OSBPL3: variants seen among roughly 807,000 people sequenced by gnomAD.
OSBPL3 encodes the protein oxysterol-binding protein-related protein 3.
A neutral mutation model predicts 120.1 loss-of-function variants in OSBPL3; 65 were observed. That is an observed-to-expected ratio of 0.54 (90% CI 0.44 to 0.67). OSBPL3 has a LOEUF of 0.67. OSBPL3 is among the 30% of genes least tolerant of loss of function. OSBPL3 has a pLI of 0.00. For synonymous variants in OSBPL3, 416 were observed against 402.6 expected (o/e 1.03, Z -0.40); for missense variants, 1,004 against 1,082.1 (o/e 0.93, Z 1.01).
chr7:24,812,627 T>A (rs1485321733), intron 19 of OSBPL3, among the ~76,000 whole-genome samples: 1 of 152,144 alleles, frequency 6.6e-6, no homozygotes, highest in East Asian at 1.9e-4. Flanking sequence ...CAAAGGCATT[T>A]CTCCATAAAT....
chr7:24,940,987 T>G lies in OSBPL3; in HGVS notation c.-150+38899A>C, dbSNP rs900835442. Among the ~76,000 whole-genome samples the G allele has an allele frequency of 2.6e-5, 4 of 151,982 alleles. No homozygotes were observed. The highest frequency in any genetic ancestry group is 9.7e-5 in the African/African-American group (4 of 41,362). Reference sequence around the variant, plus strand: ...GGCTCCTGCCACTGCGTCCAGCTAATTTTTTGTATTTTTAGTAGAGACGGG... The same window carrying G: ...GGCTCCTGCCACTGCGTCCAGCTAAGTTTTTGTATTTTTAGTAGAGACGGG... On this transcript the variant is annotated intron_variant, in intron 1 of 22. Coordinates refer to ENST00000313367, the MANE Select transcript of OSBPL3 (RefSeq NM_015550.4). The surrounding 1 kb of genome is among the most constrained non-coding windows in gnomAD (Gnocchi z 4.4).
rs1200549512 is a variant in OSBPL3 at position 24,892,581 on chromosome 7, T to C, written c.-109A>G. 1.4e-6 allele frequency: 2 copies of C among 1,444,866 alleles called. No individual in the cohort carries two copies. Among genetic ancestry groups the C allele is most frequent in the Non-Finnish European group, 1.8e-6 (2 of 1,087,962 alleles). 89.5% of individuals were successfully genotyped at this position (1,444,866 alleles called of 1,614,324 possible). A position where few individuals can be genotyped will look rare whatever the true frequency, so the allele number is the denominator to read the frequency against. ...GGTGGTTTAGCTCTTATCCAAAGTA[T>C]TTAAAAAACATTTTGGGTGGCCCAA... On this transcript the variant is annotated 5_prime_UTR_variant, in exon 2 of 23. Transcript: ENST00000313367.
intron 19 of OSBPL3, among the ~76,000 whole-genome samples, chr7:24,812,483 C>T (rs182285083): frequency 1.3e-5 from 2 of 152,062 alleles, no homozygotes. Flanking sequence ...CAGGCCAGTC[C>T]AGCCCAGAGG....
intron 1 of OSBPL3, among the ~76,000 whole-genome samples, chr7:24,960,915 C>A (rs968827100): frequency 1.3e-5 from 2 of 152,182 alleles, no homozygotes; most frequent in Non-Finnish European, 2.9e-5. Flanking sequence ...TCGATCTTAC[C>A]TTGCCCACCT....
chr7:24,973,400 G>C (rs1166622775), intron 1 of OSBPL3, among the ~76,000 whole-genome samples: 1 of 152,114 alleles, frequency 6.6e-6, no homozygotes, highest in East Asian at 1.9e-4. Flanking sequence ...TCATACTCAA[G>C]GGGTCTTGGA....
rs1486891962 is a variant in OSBPL3 at position 24,851,535 on chromosome 7, G to A, written c.1158+969C>T. 6.6e-6 allele frequency among the ~76,000 whole-genome samples: 1 copy of A among 152,114 alleles called. No homozygotes were observed. Among genetic ancestry groups the A allele is most frequent in the African/African-American group, 2.4e-5 (1 of 41,414 alleles). ...TCTAGTTCTCTCAATGCCTGTGTTG[G>A]CTTCTGGTTACAAGATCCTAAAATT... On this transcript the variant is annotated intron_variant, in intron 11 of 22. Transcript: ENST00000313367. This position sits in a 1 kb window ranked among gnomAD's most constrained non-coding sequence, Gnocchi z 4.1.
In OSBPL3 at chr7:24,938,827, GTGTGTGT is replaced by G. The variant is rs1812742583; in HGVS notation, c.-150+41052_-150+41058del. ...TGTGTGTGTGTGTGTGTGTGTGTGTGTGTGTGTTTTGAGAGCAAAACTAATGTGGCCA... is the reference window on the plus strand; with the variant it reads ...TGTGTGTGTGTGTGTGTGTGTGTGTGTTTGAGAGCAAAACTAATGTGGCCA... On this transcript the variant is annotated intron_variant, in intron 1 of 22. Transcript: ENST00000313367. This position sits in a 1 kb window ranked among gnomAD's most constrained non-coding sequence, Gnocchi z 5.8. Among the ~76,000 whole-genome samples the G allele has an allele frequency of 6.8e-6, 1 of 146,506 alleles. No homozygotes were observed. Among genetic ancestry groups the G allele is most frequent in the African/African-American group, 2.5e-5 (1 of 40,028 alleles).
In OSBPL3 at chr7:24,855,388, T is replaced by C. The variant is rs1313754209; in HGVS notation, c.1028-2754A>G. On this transcript the variant is annotated intron_variant, in intron 10 of 22. Coordinates refer to ENST00000313367, the MANE Select transcript of OSBPL3 (RefSeq NM_015550.4). This position sits in a 1 kb window ranked among gnomAD's most constrained non-coding sequence, Gnocchi z 4.3. ...CCAAATGAGAAGAGTCCTACATAAA[T>C]TTTAAAAACTGGCAGAATATACAAT... Among the ~76,000 whole-genome samples, 1 of 152,226 alleles carries C rather than the reference T, an allele frequency of 6.6e-6. No individual in the cohort carries two copies.
At chr7:24,931,011 G>A (rs1811724217) in intron 1 of OSBPL3, among the ~76,000 whole-genome samples, 1 of 152,178 alleles carries the variant, frequency 6.6e-6, no homozygotes, top group South Asian at 2.1e-4. Flanking sequence ...GAAGACAGAT[G>A]CTCCCAGACA....
chr7:24,973,409 G>A (rs930249330), intron 1 of OSBPL3, among the ~76,000 whole-genome samples: 4 of 152,108 alleles, frequency 2.6e-5, no homozygotes, highest in African/African-American at 4.8e-5. Flanking sequence ...AGGGGTCTTG[G>A]AGCATCTAGA....
At chr7:24,823,520 A>T (rs1416696340) in intron 16 of OSBPL3, among the ~76,000 whole-genome samples, 1 of 152,158 alleles carries the variant, frequency 6.6e-6, no homozygotes, top group East Asian at 1.9e-4. Context: ...TAGCACTCCA[A>T]ACCTATGTCA....
rs1172269095 is a variant in OSBPL3 at position 24,959,478 on chromosome 7, A to G, written c.-150+20408T>C. Reference sequence around the variant, plus strand: ...AGCGTTAACATGAGTCAATTTACATAAGTTACAAAAACAAGCAAAGCTAAT... The same window carrying G: ...AGCGTTAACATGAGTCAATTTACATGAGTTACAAAAACAAGCAAAGCTAAT... On this transcript the variant is annotated intron_variant, in intron 1 of 22. Transcript: ENST00000313367. This position sits in a 1 kb window ranked among gnomAD's most constrained non-coding sequence, Gnocchi z 4.3. Among the ~76,000 whole-genome samples the G allele has an allele frequency of 1.3e-5, 2 of 152,200 alleles. No homozygotes were observed. Among genetic ancestry groups the G allele is most frequent in the Non-Finnish European group, 2.9e-5 (2 of 68,030 alleles).
rs370061408 is a variant in OSBPL3, at chr7:24,806,831, G to A, written c.2389C>T (p.Pro797Ser). Residue 797 changes from proline (P) to serine (S), a missense_variant, in exon 21 of 23, where the codon CCA (proline) becomes TCA (serine). Physicochemically the swap from Pro to Ser is moderately conservative, Grantham distance 74. This residue lies in a region of OSBPL3 where 473 missense variants were observed against 568.0 expected (regional missense o/e 0.83). Coordinates refer to ENST00000313367, the MANE Select transcript of OSBPL3 (RefSeq NM_015550.4). This position sits in a 1 kb window ranked among gnomAD's most constrained non-coding sequence, Gnocchi z 5.2. ...GGTGGCAATAAAGACTTTGATGATGGATCCATTTCATTTAATTCCAGCGCA... is the reference window on the plus strand; with the variant it reads ...GGTGGCAATAAAGACTTTGATGATGAATCCATTTCATTTAATTCCAGCGCA... ...QFALELNEMD[P>S]SSKSLLPPTD... The A allele has an allele frequency of 1.2e-6, 2 of 1,613,482 alleles. No individual in the cohort carries two copies. Among genetic ancestry groups the A allele is most frequent in the Non-Finnish European group, 1.7e-6 (2 of 1,179,430 alleles).
intron 1 of OSBPL3, among the ~76,000 whole-genome samples, chr7:24,920,635 T>C (rs1810275587): frequency 6.6e-6 from 1 of 152,092 alleles, no homozygotes; most frequent in Admixed American, 6.6e-5. Context: ...GTGAATTATA[T>C]CTAAATGTAA....
In OSBPL3 at chr7:24,820,855, T is replaced by G. The variant is rs111385326; in HGVS notation, c.1885-617A>C. On this transcript the variant is annotated intron_variant, in intron 16 of 22. Coordinates refer to ENST00000313367, the MANE Select transcript of OSBPL3 (RefSeq NM_015550.4). This position sits in a 1 kb window ranked among gnomAD's most constrained non-coding sequence, Gnocchi z 4.6. ...GGTAAACACAATTGTTGAGGAAATGTTAGTCAACTGTTAAGAAATTTTATT... is the reference window on the plus strand; with the variant it reads ...GGTAAACACAATTGTTGAGGAAATGGTAGTCAACTGTTAAGAAATTTTATT... 8.7e-3 allele frequency among the ~76,000 whole-genome samples: 1,325 copies of G among 151,608 alleles called. 16 individuals are homozygous for G. The highest frequency in any genetic ancestry group is 0.032 in the South Asian group (155 of 4,778).
rs1343745105 is a variant in OSBPL3 at position 24,817,512 on chromosome 7, C to A, written c.1949-824G>T. Among the ~76,000 whole-genome samples, 3 of 151,476 alleles carry A rather than the reference C, an allele frequency of 2.0e-5. No homozygotes were observed. Among genetic ancestry groups the A allele is most frequent in the South Asian group, 2.1e-4 (1 of 4,806 alleles). ...TGGAGTGAGATTCTGCCAAAAAAAA[C>A]AAAACAAAACTGAAAACGAAAAACA... On this transcript the variant is annotated intron_variant, in intron 17 of 22. Transcript: ENST00000313367. This position sits in a 1 kb window ranked among gnomAD's most constrained non-coding sequence, Gnocchi z 4.0.
At chr7:24,908,442 T>C (rs889150428) in intron 1 of OSBPL3, among the ~76,000 whole-genome samples, 3 of 152,244 alleles carry the variant, frequency 2.0e-5, no homozygotes, top group African/African-American at 4.8e-5. Context: ...ATAGCCTCTA[T>C]CTGGCCATCC....
Position 24,965,402 on chromosome 7 carries a change from T to C in OSBPL3, c.-150+14484A>G, listed in dbSNP as rs888817291. 6.6e-5 allele frequency among the ~76,000 whole-genome samples: 10 copies of C among 152,234 alleles called. No homozygotes were observed. The highest frequency in any genetic ancestry group is 2.0e-4 in the Admixed American group (3 of 15,288). On this transcript the variant is annotated intron_variant, in intron 1 of 22. Transcript: ENST00000313367. The surrounding 1 kb of genome is among the most constrained non-coding windows in gnomAD (Gnocchi z 4.3). The stretch of plus-strand genomic sequence containing the variant: ...CCCCTGCCTACCTCACAGGGTTATT[T>C]TGTTGTGAGAAGAAACATATATTAA...
Position 24,877,781 on chromosome 7 carries a change from A to C in OSBPL3, c.97-5712T>G, listed in dbSNP as rs1462234587. Among the ~76,000 whole-genome samples the C allele has an allele frequency of 6.6e-6, 1 of 152,134 alleles. No individual in the cohort carries two copies. Among genetic ancestry groups the C allele is most frequent in the Admixed American group, 6.5e-5 (1 of 15,270 alleles). ...CTTAGGAGTATCTCCTGGTGACCCCAAGAGTAGGGCAGGCACCTTGAGCTG... is the reference window on the plus strand; with the variant it reads ...CTTAGGAGTATCTCCTGGTGACCCCCAGAGTAGGGCAGGCACCTTGAGCTG... On this transcript the variant is annotated intron_variant, in intron 2 of 22. Transcript: ENST00000313367. The surrounding 1 kb of genome is among the most constrained non-coding windows in gnomAD (Gnocchi z 4.8).
Sources: allele counts gnomAD v4.1 joint callset (sites outside exome capture counted in the v4.1 genomes callset), GRCh38; gene constraint gnomAD v4.1.1; regional missense constraint gnomAD v4.1.1; non-coding constraint Gnocchi (gnomAD v3.1); transcripts MANE v1.5; gene names NCBI Gene and HGNC (gene_info 2026-07-23, HGNC 2026-07-21).